FLNB: variants seen among roughly 807,000 people sequenced by gnomAD.
FLNB encodes the protein filamin B, also known as filamin-B.
In FLNB, 111 loss-of-function variants were observed where a neutral mutation model predicts 250.6. The observed-to-expected ratio is 0.44, with a 90% confidence interval of 0.38 to 0.52. The LOEUF is 0.52. FLNB is among the 20% of genes least tolerant of loss of function. The pLI is 0.00. For synonymous variants in FLNB, 1,302 were observed against 1,372.1 expected, an observed-to-expected ratio of 0.95 and a Z score of 1.13; for missense variants, 2,869 against 3,447.8, an observed-to-expected ratio of 0.83 and a Z score of 4.20.
At chr3:58,091,112 C>T (rs2097226511) in intron 4 of FLNB, among the ~76,000 whole-genome samples, 2 of 151,542 alleles carry the variant, frequency 1.3e-5, no homozygotes, top group Admixed American at 1.3e-4. Context: ...AGTAAAGATA[C>T]CACCTCTCCT....
chr3:58,012,788 G>C (rs1398361771), intron 1 of FLNB, among the ~76,000 whole-genome samples: 1 of 152,220 alleles, frequency 6.6e-6, no homozygotes, highest in Non-Finnish European at 1.5e-5. Context: ...CATCGTCAGG[G>C]AAGGTATCAT....
intron 5 of FLNB, 70 bp from the exon 6 acceptor site, chr3:58,096,071 C>A: frequency 8.1e-7 from 1 of 1,228,952 alleles, no homozygotes; most frequent in South Asian, 1.2e-5. Flanking sequence ...CTGCAGAACC[C>A]CTGCTGACAC....
intron 1 of FLNB, among the ~76,000 whole-genome samples, chr3:58,034,252 A>T (rs1307923465): frequency 2.0e-5 from 3 of 152,220 alleles, no homozygotes; most frequent in Non-Finnish European, 4.4e-5. Flanking sequence ...TGTTAGGATC[A>T]TACATCATAG....
At chr3:58,070,694 C>T (rs1400296884) in intron 1 of FLNB, among the ~76,000 whole-genome samples, 2 of 147,688 alleles carry the variant, frequency 1.4e-5, no homozygotes, top group Non-Finnish European at 3.0e-5. Context: ...GAGTCTCACT[C>T]GGTCACCCAG....
chr3:58,112,653 A>G (rs1382358893), intron 18 of FLNB, among the ~76,000 whole-genome samples: 6 of 152,252 alleles, frequency 3.9e-5, no homozygotes, highest in African/African-American at 1.2e-4. Context: ...ACATGTGCAC[A>G]CACACACACA....
At chr3:58,062,101 T>A (rs1234749972) in intron 1 of FLNB, among the ~76,000 whole-genome samples, 1 of 151,878 alleles carries the variant, frequency 6.6e-6, no homozygotes, top group Non-Finnish European at 1.5e-5. Context: ...AAAATAAAAA[T>A]AAAAAATCAA....
At chr3:58,140,050 C>T (rs1316851323) in intron 29 of FLNB, among the ~76,000 whole-genome samples, 2 of 152,182 alleles carry the variant, frequency 1.3e-5, no homozygotes, top group East Asian at 1.9e-4. Context: ...CAGAAAGGGA[C>T]GATCACCTAC....
At chr3:58,057,243 C>T (rs75644027) in intron 1 of FLNB, among the ~76,000 whole-genome samples, 8,799 of 152,118 alleles carry the variant, frequency 0.058, 815 homozygotes, top group African/African-American at 0.2. Context: ...CCCAACATAC[C>T]GGGATTACAG....
chr3:58,030,793 G>A (rs1484589208), intron 1 of FLNB, among the ~76,000 whole-genome samples: 1 of 152,138 alleles, frequency 6.6e-6, no homozygotes, highest in Non-Finnish European at 1.5e-5. Context: ...AGGATCACTT[G>A]AGCCTGGGCA....
intron 9 of FLNB, among the ~76,000 whole-genome samples, chr3:58,103,551 C>G (rs1001664936): frequency 6.6e-6 from 1 of 152,222 alleles, no homozygotes; most frequent in Non-Finnish European, 1.5e-5. Flanking sequence ...GAACCTAAAA[C>G]TCATACCAAA....
Position 58,119,008 on chromosome 3 carries a change from A to G in FLNB, c.2863+19A>G. Reference sequence around the variant, plus strand: ...GAAAACAGTAAGTGCCTGAATGGAGAGCAGATGGGTTGTTGATGACCCCCC... The same window carrying G: ...GAAAACAGTAAGTGCCTGAATGGAGGGCAGATGGGTTGTTGATGACCCCCC... On this transcript the variant is annotated intron_variant, in intron 19 of 45. Coordinates refer to ENST00000295956, the MANE Select transcript of FLNB (RefSeq NM_001457.4). 1 of 1,559,554 alleles carries G rather than the reference A, an allele frequency of 6.4e-7. No homozygotes were observed. The highest frequency in any genetic ancestry group is 8.8e-7 in the Non-Finnish European group (1 of 1,130,300).
At position 58,098,817 on chromosome 3, in the gene FLNB, C is replaced by A; in HGVS notation, c.1254C>A (p.Tyr418Ter). 6.2e-7 allele frequency: 1 copy of A among 1,614,118 alleles called. No individual in the cohort carries two copies. The highest frequency in any genetic ancestry group is 8.5e-7 in the Non-Finnish European group (1 of 1,180,004). ...DKGNQVYRCV[Y>*]KPMQPGPHVV... ...GAAACCAGGTGTATCGATGTGTGTACAAACCCATGCAGCCTGGCCCTCACG... is the reference window on the plus strand; with the variant it reads ...GAAACCAGGTGTATCGATGTGTGTAAAAACCCATGCAGCCTGGCCCTCACG... Residue 418 changes from tyrosine to a stop codon, truncating the protein, a stop_gained, in exon 8 of 46, where the codon TAC becomes TAA. Coordinates refer to ENST00000295956, the MANE Select transcript of FLNB (RefSeq NM_001457.4). LOFTEE classifies it high-confidence loss of function.
At chr3:58,103,143 G>C (rs1189939987) in intron 9 of FLNB, among the ~76,000 whole-genome samples, 2 of 152,168 alleles carry the variant, frequency 1.3e-5, no homozygotes, top group Admixed American at 6.5e-5. Context: ...TGACTTCACA[G>C]CACCAGGCTT....
chr3:58,021,788 T>G (rs1432952906), intron 1 of FLNB, among the ~76,000 whole-genome samples: 2 of 150,840 alleles, frequency 1.3e-5, no homozygotes, highest in Admixed American at 1.3e-4. Flanking sequence ...TTTTTGTTTT[T>G]TTTGGAGATA....
At chr3:58,146,097 G>C (rs2097335440) in intron 33 of FLNB, 48 bp downstream of exon 33, 1 of 1,609,036 alleles carries the variant, frequency 6.2e-7, no homozygotes, top group Non-Finnish European at 8.5e-7. Context: ...TCCATTTGGA[G>C]GGTGAAGTGG....
chr3:58,092,236 A>G (rs968264415), intron 4 of FLNB, among the ~76,000 whole-genome samples: 1 of 152,238 alleles, frequency 6.6e-6, no homozygotes, highest in Non-Finnish European at 1.5e-5. Flanking sequence ...TAATACTGAT[A>G]ACACTAAATG....
rs753697239 is a variant in FLNB at position 58,081,745 on chromosome 3, C to G, written c.756C>G (p.Leu252=). ...LKPGAPLKPK[L]NPKKARAYGR... ...CGGGGGCTCCTCTCAAACCCAAACTCAACCCGAAGAAAGCCAGGGCCTATG... is the reference window on the plus strand; with the variant it reads ...CGGGGGCTCCTCTCAAACCCAAACTGAACCCGAAGAAAGCCAGGGCCTATG... Residue 252 remains leucine (L), a synonymous_variant, in exon 4 of 46, where the codon CTC becomes CTG. Coordinates refer to ENST00000295956, the MANE Select transcript of FLNB (RefSeq NM_001457.4). 9 of 1,614,148 alleles carry G rather than the reference C, an allele frequency of 5.6e-6. No homozygotes were observed. Among genetic ancestry groups the G allele is most frequent in the Non-Finnish European group, 7.6e-6 (9 of 1,180,020 alleles).
At chr3:58,051,814 C>G (rs10049407) in intron 1 of FLNB, among the ~76,000 whole-genome samples, 1 of 151,930 alleles carries the variant, frequency 6.6e-6, no homozygotes, top group Non-Finnish European at 1.5e-5. Flanking sequence ...GTCATATCCC[C>G]GGCATTAGCA....
At position 58,163,416 on chromosome 3, in the gene FLNB, C is replaced by A. The variant is rs2097364844; in HGVS notation, c.7198+86C>A. 5 of 1,400,506 alleles carry A rather than the reference C, an allele frequency of 3.6e-6. No individual in the cohort carries two copies. The Admixed American group carries it at 6.9e-5, about 19-fold the overall frequency. The allele number at this position is 1,400,506 out of a possible 1,614,324, so 86.8% of individuals were successfully genotyped here. On this transcript the variant is annotated intron_variant, in intron 43 of 45. Transcript: ENST00000295956. Reference sequence around the variant, plus strand: ...TGGAAATCCTCAAGCCCCATGAAAGCTTTTTACACGTACTCCCCGTGGAAA... The same window carrying A: ...TGGAAATCCTCAAGCCCCATGAAAGATTTTTACACGTACTCCCCGTGGAAA...
Sources: gnomAD v4.1 joint callset for allele counts (sites outside exome capture counted in the v4.1 genomes callset) on GRCh38, gnomAD v4.1.1 for gene constraint, MANE v1.5 for transcripts, NCBI Gene and HGNC (gene_info 2026-07-23, HGNC 2026-07-21) for gene names.